The following RAB37 variants were observed in gnomAD, a reference collection of about 807,000 sequenced individuals.
RAB37 encodes ras-related protein Rab-37.
RAB37 carries 29 observed loss-of-function variants against 33.1 expected under a neutral mutation model. The observed-to-expected ratio is 0.88, with a 90% CI of 0.65 to 1.20. The LOEUF is 1.20. RAB37 is among the 50% of genes most tolerant of loss of function. The probability of loss-of-function intolerance (pLI) is 0.00; values close to 1 mark genes in which losing one functional copy is unlikely to be tolerated. For synonymous variants in RAB37, 128 were observed against 119.5 expected, an observed-to-expected ratio of 1.07 and a Z score of -0.47; for missense variants, 299 against 301.1, an observed-to-expected ratio of 0.99 and a Z score of 0.05.
chr17:74,721,810 A>C (rs1215134864), intron 1 of RAB37, among the ~76,000 whole-genome samples: 1 of 152,194 alleles, frequency 6.6e-6, no homozygotes, highest in Non-Finnish European at 1.5e-5. Flanking sequence ...AGATATTGTC[A>C]GTTGCTATCC....
chr17:74,697,191 G>C (rs1414435180), intron 1 of RAB37, among the ~76,000 whole-genome samples: 1 of 152,066 alleles, frequency 6.6e-6, no homozygotes, highest in East Asian at 1.9e-4. Context: ...TGATCCACCC[G>C]CCTCAACCTC....
rs2031700440 is a variant in RAB37 at position 74,671,397 on chromosome 17, AC to A, written c.-189del. On this transcript the variant is annotated 5_prime_UTR_variant, in exon 1 of 8. Transcript: ENST00000340415. The surrounding 1 kb of genome is among the most constrained non-coding windows in gnomAD (Gnocchi z 5.0). Reference sequence around the variant, plus strand: ...TGCTGAAACGCTCAGTCCTGGAAGAACGTGGCCGCCTGCCCGCCTGGTACCG... The same window carrying A: ...TGCTGAAACGCTCAGTCCTGGAAGAAGTGGCCGCCTGCCCGCCTGGTACCG... 1 of 600,744 alleles carries A rather than the reference AC, an allele frequency of 1.7e-6. No homozygotes were observed. Among genetic ancestry groups the A allele is most frequent in the African/African-American group, 1.9e-5 (1 of 53,730 alleles). 37.2% of individuals were successfully genotyped at this position (600,744 alleles called of 1,614,324 possible). A position where few individuals can be genotyped will look rare whatever the true frequency, so the allele number is the denominator to read the frequency against.
At chr17:74,705,490 C>T in intron 1 of RAB37, 3 of 478,518 alleles carry the variant, frequency 6.3e-6, no homozygotes, top group Non-Finnish European at 1.1e-5. Context: ...TATTTGTCCA[C>T]CTTTCTGCCA....
chr17:74,743,740 C>T (rs2034679037), intron 5 of RAB37, among the ~76,000 whole-genome samples: 1 of 152,150 alleles, frequency 6.6e-6, no homozygotes. Context: ...GTGGTTGTAT[C>T]CTCACAACCA....
At chr17:74,694,235 G>T (rs1309107097) in intron 1 of RAB37, 1 of 152,186 alleles carries the variant, frequency 6.6e-6, no homozygotes, top group East Asian at 1.9e-4. Context: ...TACTACATGG[G>T]AAGCATCTAA....
intron 1 of RAB37, among the ~76,000 whole-genome samples, chr17:74,698,191 G>C (rs575931062): frequency 6.6e-6 from 1 of 152,330 alleles, no homozygotes; most frequent in East Asian, 1.9e-4. Flanking sequence ...ACCTCCTGGG[G>C]CTCCCCTGCA....
intron 1 of RAB37, among the ~76,000 whole-genome samples, chr17:74,698,152 G>A (rs2032684585): frequency 6.6e-6 from 1 of 152,232 alleles, no homozygotes; most frequent in Admixed American, 6.5e-5. Context: ...GGGAAGGACG[G>A]AGGTGCAGGG....
rs573712353 is a variant in RAB37 at position 74,675,686 on chromosome 17, G to A, written c.72+4028G>A. Among the ~76,000 whole-genome samples, 264 of 152,294 alleles carry A rather than the reference G, an allele frequency of 1.7e-3. 2 individuals are homozygous for A. The highest frequency in any genetic ancestry group is 6.1e-3 in the African/African-American group (255 of 41,556). On this transcript the variant is annotated intron_variant, in intron 1 of 7. Coordinates refer to the RAB37 transcript ENST00000340415. ...TCCCAGTTCTGACTTCCTAAGTTGA[G>A]TATCTTTTTTCTCTTGGAGGTGGTG...
In RAB37 at chr17:74,729,961, T is replaced by C. The variant is rs2034364657; in HGVS notation, c.183+595T>C. ...CTGGCAGGCCCAGGTTACAGTTCCG[T>C]GTTTAGTCCTCGGTAAAATGGTAAA... On this transcript the variant is annotated intron_variant, in intron 2 of 7. Coordinates refer to the RAB37 transcript ENST00000340415. This position sits in a 1 kb window ranked among gnomAD's most constrained non-coding sequence, Gnocchi z 4.2. Among the ~76,000 whole-genome samples, 1 of 152,154 alleles carries C rather than the reference T, an allele frequency of 6.6e-6. No homozygotes were observed. The highest frequency in any genetic ancestry group is 6.5e-5 in the Admixed American group (1 of 15,282).
At chr17:74,732,447 C>T (rs116043567), upstream of RAB37, among the ~76,000 whole-genome samples, 971 of 139,072 alleles carry the variant, frequency 7.0e-3, 15 homozygotes, top group African/African-American at 0.024. Context: ...GAGTCCCCTG[C>T]CCCCATCTCT....
At chr17:74,711,142 AG>A (rs2033934666) in intron 1 of RAB37, among the ~76,000 whole-genome samples, 1 of 152,206 alleles carries the variant, frequency 6.6e-6, no homozygotes, top group African/African-American at 2.4e-5. Flanking sequence ...AGAGGGAAAC[AG>A]GGTAAGCACA....
At chr17:74,705,330 A>G in intron 1 of RAB37, 1 of 679,104 alleles carries the variant, frequency 1.5e-6, no homozygotes. Context: ...CCCTGGATGA[A>G]TGCCTTTGAA....
chr17:74,739,480 C>A (rs574535072), intron 1 of RAB37, among the ~76,000 whole-genome samples: 1 of 151,968 alleles, frequency 6.6e-6, no homozygotes, highest in East Asian at 1.9e-4. Flanking sequence ...AACTACACAT[C>A]TCCCCACTTC....
chr17:74,735,065 A>G (rs1235710282), upstream of RAB37, among the ~76,000 whole-genome samples: 4 of 144,186 alleles, frequency 2.8e-5, no homozygotes, highest in Non-Finnish European at 6.1e-5. Context: ...AAGAAAGAGA[A>G]AGAAAGGGAA....
chr17:74,704,480 G>A, intron 1 of RAB37: 3 of 1,607,852 alleles, frequency 1.9e-6, no homozygotes, highest in Non-Finnish European at 2.6e-6. Flanking sequence ...CCTCTTACCT[G>A]GGTCAATGGT....
In RAB37 at chr17:74,744,234, T is replaced by C; in HGVS notation, c.367-74T>C. The C allele has an allele frequency of 1.5e-6, 2 of 1,379,258 alleles. No individual in the cohort carries two copies. Among genetic ancestry groups the C allele is most frequent in the Non-Finnish European group, 1.0e-6 (1 of 984,342 alleles). The allele number at this position is 1,379,258 out of a possible 1,614,324, so 85.4% of individuals were successfully genotyped here. ...GTTCAAGGTAGTGAGTAACTGAGGATAGTCAAACGGAGCAGAAGAAGAAAG... is the reference window on the plus strand; with the variant it reads ...GTTCAAGGTAGTGAGTAACTGAGGACAGTCAAACGGAGCAGAAGAAGAAAG... On this transcript the variant is annotated intron_variant, in intron 5 of 8. Coordinates refer to ENST00000392613, the MANE Select transcript of RAB37 (RefSeq NM_001006638.3). This position sits in a 1 kb window ranked among gnomAD's most constrained non-coding sequence, Gnocchi z 4.2.
intron 1 of RAB37, among the ~76,000 whole-genome samples, chr17:74,718,615 TG>T (rs754651574): frequency 2.6e-5 from 4 of 152,208 alleles, no homozygotes; most frequent in Non-Finnish European, 5.9e-5. Context: ...AGGCTAAACT[TG>T]GGCATCCCCT....
At position 74,744,915 on chromosome 17, in the gene RAB37, G is replaced by C. The variant is rs1424800509; in HGVS notation, c.475G>C (p.Glu159Gln). The C allele has an allele frequency of 6.2e-7, 1 of 1,614,296 alleles. No individual in the cohort carries two copies. Among genetic ancestry groups the C allele is most frequent in the Non-Finnish European group, 8.5e-7 (1 of 1,180,048 alleles). Residue 159 changes from glutamate (E) to glutamine (Q), a missense_variant, in exon 7 of 9, where the codon GAG becomes CAG. Glu to Gln is a conservative substitution (Grantham distance 29). Transcript: ENST00000392613. This position sits in a 1 kb window ranked among gnomAD's most constrained non-coding sequence, Gnocchi z 4.2. Reference sequence around the variant, plus strand: ...AAGAGTGATCCGTTCCGAAGACGGAGAGACCTTGGCCAGGGTAAGTGATTG... The same window carrying C: ...AAGAGTGATCCGTTCCGAAGACGGACAGACCTTGGCCAGGGTAAGTGATTG... ...SERVIRSEDG[E>Q]TLAREYGVPF...
At chr17:74,700,109 T>G (rs1309181663) in intron 1 of RAB37, among the ~76,000 whole-genome samples, 3 of 151,604 alleles carry the variant, frequency 2.0e-5, no homozygotes, top group East Asian at 3.9e-4. Flanking sequence ...GCCACTGCAC[T>G]CCAGCCTGGT....
Sources: gnomAD v4.1 joint callset for allele counts (sites outside exome capture counted in the v4.1 genomes callset) on GRCh38, gnomAD v4.1.1 for gene constraint, Gnocchi (gnomAD v3.1) non-coding constraint, MANE v1.5 for transcripts, NCBI Gene and HGNC (gene_info 2026-07-23, HGNC 2026-07-21) for gene names.